The following ULK4 variants were observed in gnomAD, a reference collection of about 807,000 sequenced individuals.
ULK4 encodes the protein unc-51 like kinase 4.
In ULK4, 133 loss-of-function variants were observed where a neutral mutation model predicts 160.6. The observed-to-expected ratio is 0.83, with a 90% CI of 0.72 to 0.96. The LOEUF (loss-of-function observed/expected upper bound fraction) is 0.96. Among genes scored for constraint, ULK4 ranks in the 40% least tolerant of loss-of-function variants. ULK4 has a pLI of 0.00. For missense variants in ULK4, 1,580 were observed against 1,499.5 expected, an observed-to-expected ratio of 1.05 and a Z score of -0.89; for synonymous variants, 534 against 539.8, an observed-to-expected ratio of 0.99 and a Z score of 0.15.
chr3:41,732,738 GATAAAGAAA>G (rs1431683489), intron 22 of ULK4, among the ~76,000 whole-genome samples: 1 of 151,966 alleles, frequency 6.6e-6, no homozygotes, highest in South Asian at 2.1e-4. Flanking sequence ...TCAATGAATG[GATAAAGAAA>G]ATAAAGAAAA....
intron 35 of ULK4, among the ~76,000 whole-genome samples, chr3:41,382,711 C>T (rs1251593672): frequency 1.3e-5 from 2 of 152,066 alleles, no homozygotes; most frequent in East Asian, 3.8e-4. Context: ...ACTTATCTAA[C>T]AGCTTGAACT....
intron 17 of ULK4, among the ~76,000 whole-genome samples, chr3:41,861,539 A>C (rs1000637460): frequency 2.0e-5 from 3 of 149,860 alleles, no homozygotes; most frequent in South Asian, 2.2e-4. Flanking sequence ...ATTTTATGTT[A>C]TTTCTTTCTT....
chr3:41,631,531 G>A (rs1385458007), intron 30 of ULK4, among the ~76,000 whole-genome samples: 1 of 152,146 alleles, frequency 6.6e-6, no homozygotes, highest in South Asian at 2.1e-4. Flanking sequence ...ATGGATTTTA[G>A]TAAGACAATT....
chr3:41,361,750 G>A (rs577552200), intron 35 of ULK4, among the ~76,000 whole-genome samples: 1 of 152,194 alleles, frequency 6.6e-6, no homozygotes, highest in Admixed American at 6.5e-5. Context: ...ATAAAATGGA[G>A]CATCTTACTC....
chr3:41,924,230 T>C (rs578007064), intron 5 of ULK4, among the ~76,000 whole-genome samples: 2 of 152,294 alleles, frequency 1.3e-5, no homozygotes, highest in South Asian at 4.1e-4. Flanking sequence ...GGTAGGGTGA[T>C]TTTTTTCATG....
intron 21 of ULK4, chr3:41,766,727 T>C (rs1208791210): frequency 6.6e-6 from 1 of 152,250 alleles, no homozygotes; most frequent in East Asian, 1.9e-4. Context: ...GGAGCATAGC[T>C]ACCTGTATAC....
At chr3:41,457,290 A>C (rs548529298) in intron 33 of ULK4, among the ~76,000 whole-genome samples, 2 of 152,280 alleles carry the variant, frequency 1.3e-5, no homozygotes, top group East Asian at 3.9e-4. Context: ...GCCACAGTAC[A>C]AGAAACACTG....
At chr3:41,448,642 T>C (rs558825848) in intron 34 of ULK4, among the ~76,000 whole-genome samples, 94 of 152,244 alleles carry the variant, frequency 6.2e-4, no homozygotes, top group Admixed American at 1.0e-3. Flanking sequence ...CCTGTGGTCC[T>C]GTAAGGGCAG....
intron 27 of ULK4, among the ~76,000 whole-genome samples, chr3:41,682,668 T>C (rs2035962385): frequency 1.3e-5 from 2 of 152,210 alleles, no homozygotes; most frequent in Admixed American, 6.5e-5. Flanking sequence ...TGTGACAGTA[T>C]ATCTCAATAT....
At chr3:41,493,750 A>G (rs564688091) in intron 32 of ULK4, among the ~76,000 whole-genome samples, 21,013 of 149,748 alleles carry the variant, frequency 0.14, 1,902 homozygotes, top group Middle Eastern at 0.23. Flanking sequence ...AGGGGATATC[A>G]CCACCGATCC....
intron 35 of ULK4, among the ~76,000 whole-genome samples, chr3:41,389,650 T>C (rs1175594732): frequency 6.6e-6 from 1 of 152,204 alleles, no homozygotes; most frequent in African/African-American, 2.4e-5. Flanking sequence ...TTGTCTTTGG[T>C]TCTGTTTATA....
chr3:41,754,286 A>AG, intron 22 of ULK4, 75 bp downstream of exon 22: 2 of 1,487,660 alleles, frequency 1.3e-6, no homozygotes, highest in Non-Finnish European at 1.8e-6. Context: ...ACAGAGGCCA[A>AG]GAAATACCCT....
At chr3:41,357,429 T>G (rs2081051117) in intron 35 of ULK4, among the ~76,000 whole-genome samples, 1 of 152,128 alleles carries the variant, frequency 6.6e-6, no homozygotes, top group Non-Finnish European at 1.5e-5. Context: ...AGTGCTCGGC[T>G]GGCAGGAACA....
chr3:41,460,304 C>G (rs2083653542), intron 33 of ULK4, among the ~76,000 whole-genome samples: 1 of 152,140 alleles, frequency 6.6e-6, no homozygotes, highest in African/African-American at 2.4e-5. Context: ...GTCAGGTGAC[C>G]TGAATTAGAA....
intron 35 of ULK4, among the ~76,000 whole-genome samples, chr3:41,255,273 G>T (rs918923174): frequency 6.6e-5 from 10 of 152,098 alleles, no homozygotes; most frequent in Admixed American, 2.0e-4. Flanking sequence ...CCTAAGGTCA[G>T]GAGTTTGAGA....
At chr3:41,657,254 T>C (rs1384935488) in intron 30 of ULK4, among the ~76,000 whole-genome samples, 18 of 152,152 alleles carry the variant, frequency 1.2e-4, no homozygotes, top group Non-Finnish European at 2.6e-4. Flanking sequence ...TTCCAGCAAC[T>C]AAGAATTCTA....
intron 35 of ULK4, among the ~76,000 whole-genome samples, chr3:41,362,931 T>C (rs2081177096): frequency 6.6e-6 from 1 of 152,216 alleles, no homozygotes; most frequent in African/African-American, 2.4e-5. Context: ...GGCTGCACTG[T>C]TCCTGGAAAG....
chr3:41,304,497 G>A (rs2079865287), intron 35 of ULK4, among the ~76,000 whole-genome samples: 3 of 152,160 alleles, frequency 2.0e-5, no homozygotes, highest in African/African-American at 7.2e-5. Context: ...ACATTGATAA[G>A]TGTAACACTT....
intron 34 of ULK4, among the ~76,000 whole-genome samples, chr3:41,417,339 G>A (rs2082550268): frequency 6.6e-6 from 1 of 152,166 alleles, no homozygotes; most frequent in Non-Finnish European, 1.5e-5. Flanking sequence ...GTAAAGGAAG[G>A]GGAATATGTC....
Sources: allele counts gnomAD v4.1 joint callset (sites outside exome capture counted in the v4.1 genomes callset), GRCh38; gene constraint gnomAD v4.1.1; transcripts MANE v1.5; gene names NCBI Gene and HGNC (gene_info 2026-07-23, HGNC 2026-07-21).